CDH8: variants seen among roughly 807,000 people sequenced by gnomAD.
CDH8 encodes cadherin-8.
A neutral mutation model predicts 68.1 loss-of-function variants in CDH8; 17 were observed. The ratio of observed to expected loss-of-function variants is 0.25; its 90% CI spans 0.17 to 0.37. The LOEUF (loss-of-function observed/expected upper bound fraction) is 0.37. Ranked by LOEUF, CDH8 falls within the 10% of genes least tolerant of loss-of-function variation. CDH8 has a pLI of 1.00. For missense variants in CDH8, 763 were observed against 999.3 expected, an observed-to-expected ratio of 0.76 and a Z score of 3.19; for synonymous variants, 372 against 365.1, an observed-to-expected ratio of 1.02 and a Z score of -0.21.
At chr16:62,006,343 G>C (rs1329752445) in intron 2 of CDH8, among the ~76,000 whole-genome samples, 2 of 152,148 alleles carry the variant, frequency 1.3e-5, no homozygotes, top group Admixed American at 1.3e-4. Flanking sequence ...GGAGGGGGTG[G>C]CACAGTTTAG....
intron 2 of CDH8, among the ~76,000 whole-genome samples, chr16:61,921,900 A>G (rs867033651): frequency 1.3e-5 from 2 of 152,210 alleles, no homozygotes; most frequent in Middle Eastern, 3.4e-3. Flanking sequence ...GCACGGTGGC[A>G]TGTGCCTGTA....
At chr16:61,766,650 CTGTT>C (rs35735694) in intron 8 of CDH8, among the ~76,000 whole-genome samples, 59,873 of 150,944 alleles carry the variant, frequency 0.4, 12,204 homozygotes, top group African/African-American at 0.48. Flanking sequence ...CTGTCTATTT[CTGTT>C]TGTTTGTTTG....
intron 10 of CDH8, among the ~76,000 whole-genome samples, chr16:61,659,161 T>A (rs1251635390): frequency 1.3e-5 from 2 of 152,190 alleles, no homozygotes; most frequent in East Asian, 3.9e-4. Flanking sequence ...GCTCTACAGA[T>A]GTGCTTTCCA....
intron 10 of CDH8, among the ~76,000 whole-genome samples, chr16:61,682,744 T>C (rs1964037875): frequency 6.6e-6 from 1 of 152,004 alleles, no homozygotes. Context: ...ATGGAGCACT[T>C]GCAATTATCT....
intron 10 of CDH8, among the ~76,000 whole-genome samples, chr16:61,694,067 C>T (rs74023225): frequency 0.058 from 8,893 of 152,154 alleles, 905 homozygotes; most frequent in African/African-American, 0.2. Context: ...ATCATGGGCA[C>T]GTACACACAG....
In CDH8 at chr16:61,800,992, TATA is replaced by T. The variant is rs537204433; in HGVS notation, c.1278-11513_1278-11511del. 1.3e-4 allele frequency among the ~76,000 whole-genome samples: 18 copies of T among 143,270 alleles called. No individual in the cohort carries two copies. The South Asian group carries it at 3.7e-3, about 30-fold the overall frequency. The allele number at this position is 143,270 out of a possible 152,430, so 94.0% of individuals were successfully genotyped here. A position where few individuals can be genotyped will look rare whatever the true frequency, so the allele number is the denominator to read the frequency against. ...TAGAGGATTTATTTTGCCTTATGAG[TATA>T]ATAATGTTAGATATCATGGCTCAGC... On this transcript the variant is annotated intron_variant, in intron 7 of 11. Transcript: ENST00000577390.
At chr16:61,717,743 A>AT (rs144580756) in intron 9 of CDH8, among the ~76,000 whole-genome samples, 3,755 of 151,498 alleles carry the variant, frequency 0.025, 153 homozygotes, top group African/African-American at 0.085. Flanking sequence ...TATATGAGAT[A>AT]TCCCCCCTCA....
chr16:61,656,520 AAAG>A (rs1244055164), intron 10 of CDH8, among the ~76,000 whole-genome samples: 2 of 152,174 alleles, frequency 1.3e-5, no homozygotes, highest in South Asian at 2.1e-4. Flanking sequence ...AAGTACCTAA[AAAG>A]AAGGTCATTC....
At chr16:61,969,050 G>T (rs1307281187) in intron 2 of CDH8, among the ~76,000 whole-genome samples, 1 of 152,160 alleles carries the variant, frequency 6.6e-6, no homozygotes, top group Non-Finnish European at 1.5e-5. Flanking sequence ...ACACAAAAAG[G>T]AACTGAAATA....
At chr16:61,787,762 TA>T (rs1429708052) in intron 8 of CDH8, among the ~76,000 whole-genome samples, 5 of 151,168 alleles carry the variant, frequency 3.3e-5, no homozygotes, top group Admixed American at 2.6e-4. Flanking sequence ...TATGCAGCCA[TA>T]AAAAATGATG....
chr16:61,781,589 G>T (rs1961057359), intron 8 of CDH8, among the ~76,000 whole-genome samples: 1 of 152,150 alleles, frequency 6.6e-6, no homozygotes, highest in Admixed American at 6.5e-5. Flanking sequence ...AAAAGAGAGA[G>T]ATCTATCTCA....
In CDH8 at chr16:61,648,502, T is replaced by C. The variant is rs1206515639; in HGVS notation, c.*5106A>G. On this transcript the variant is annotated 3_prime_UTR_variant, in exon 12 of 12. Coordinates refer to ENST00000577390, the MANE Select transcript of CDH8 (RefSeq NM_001796.5). Reference sequence around the variant, plus strand: ...TATATAACTTAGTTTCTATTTCTTATCATCAAAAGTCTCATAATTACAGAG... The same window carrying C: ...TATATAACTTAGTTTCTATTTCTTACCATCAAAAGTCTCATAATTACAGAG... 3 of 151,826 alleles carry C rather than the reference T, an allele frequency of 2.0e-5. No homozygotes were observed. The highest frequency in any genetic ancestry group is 4.4e-5 in the Non-Finnish European group (3 of 67,890). The allele number at this position is 151,826 out of a possible 1,614,324, so 9.4% of individuals were successfully genotyped here.
At chr16:61,692,675 A>T (rs926700230) in intron 10 of CDH8, 3 of 152,034 alleles carry the variant, frequency 2.0e-5, no homozygotes, top group Non-Finnish European at 4.4e-5. Context: ...AGTCTGTAGA[A>T]GGCCCTCTCC....
At chr16:61,802,351 CCA>C (rs1359937227) in intron 7 of CDH8, among the ~76,000 whole-genome samples, 1 of 64,142 alleles carries the variant, frequency 1.6e-5, no homozygotes, top group Non-Finnish European at 2.9e-5. Flanking sequence ...GTAGATAAAA[CCA>C]CAAAGATGGG....
intron 2 of CDH8, among the ~76,000 whole-genome samples, chr16:61,988,240 AG>A (rs1229013962): frequency 9.9e-5 from 5 of 50,696 alleles, no homozygotes; most frequent in Non-Finnish European, 3.5e-4. Context: ...AGCCTAATGC[AG>A]TGCCCAAGCA....
chr16:61,730,527 T>C (rs1013458681), intron 8 of CDH8, among the ~76,000 whole-genome samples: 1 of 151,604 alleles, frequency 6.6e-6, no homozygotes, highest in Non-Finnish European at 1.5e-5. Flanking sequence ...TGTTAGTTTA[T>C]AGTTCGGTGA....
chr16:61,905,911 GA>G (rs137985225), intron 2 of CDH8, among the ~76,000 whole-genome samples: 3,372 of 145,084 alleles, frequency 0.023, 113 homozygotes, highest in African/African-American at 0.079. Context: ...AAAGAAAAAA[GA>G]AAAAAAAAAG....
intron 10 of CDH8, among the ~76,000 whole-genome samples, chr16:61,713,228 C>G (rs67058818): frequency 0.11 from 16,617 of 151,444 alleles, 922 homozygotes; most frequent in Middle Eastern, 0.12. Context: ...TTAAAGAAAA[C>G]AGTAATCCAA....
intron 4 of CDH8, among the ~76,000 whole-genome samples, chr16:61,853,416 G>A (rs1962980727): frequency 6.6e-6 from 1 of 152,070 alleles, no homozygotes; most frequent in Non-Finnish European, 1.5e-5. Flanking sequence ...AGTGGTCAAT[G>A]GACAATCTTC....
Sources: gnomAD v4.1 joint callset for allele counts (sites outside exome capture counted in the v4.1 genomes callset) on GRCh38, gnomAD v4.1.1 for gene constraint, MANE v1.5 for transcripts, NCBI Gene and HGNC (gene_info 2026-07-23, HGNC 2026-07-21) for gene names.